Variants in ZDHHC11 observed in about 807,000 individuals in gnomAD.
ZDHHC11 encodes palmitoyltransferase ZDHHC11.
Under a neutral mutation model 51.3 loss-of-function variants are expected in ZDHHC11, and 44 were observed. The observed-to-expected ratio is 0.86, with a 90% CI of 0.67 to 1.10. The LOEUF (loss-of-function observed/expected upper bound fraction) is 1.10. Among genes scored for constraint, ZDHHC11 ranks in the 50% least tolerant of loss-of-function variants. The probability of loss-of-function intolerance (pLI) is 0.00; values close to 1 mark genes in which losing one functional copy is unlikely to be tolerated. For missense variants in ZDHHC11, 400 were observed against 537.7 expected, an observed-to-expected ratio of 0.74 and a Z score of 2.53; for synonymous variants, 163 against 222.0, an observed-to-expected ratio of 0.73 and a Z score of 2.36.
At chr5:855,676 C>A (rs918645259), upstream of ZDHHC11, among the ~76,000 whole-genome samples, 4 of 139,498 alleles carry the variant, frequency 2.9e-5, no homozygotes, top group Non-Finnish European at 6.1e-5. Context: ...GCCGGGGGGA[C>A]AGACCCCACG....
rs1336070118 is a variant in ZDHHC11 at position 829,141 on chromosome 5, C to T, written c.936-3890G>A. On this transcript the variant is annotated intron_variant, in intron 7 of 12. Transcript: ENST00000283441. ...AAACCCAACAGAAGAAAAGTAATAA[C>T]GAACATCAGAGCAGAACTAAATGAA... is the stretch of plus-strand genomic sequence containing the variant. 1.2e-4 allele frequency among the ~76,000 whole-genome samples: 17 copies of T among 142,322 alleles called. No homozygotes were observed. In the East Asian group the frequency reaches 2.4e-3, roughly 20 times the overall value. The allele number at this position is 142,322 out of a possible 152,430, so 93.4% of individuals were successfully genotyped here. A position where few individuals can be genotyped will look rare whatever the true frequency, so the allele number is the denominator to read the frequency against.
chr5:807,947 G>T (rs1211415401), intron 11 of ZDHHC11, among the ~76,000 whole-genome samples: 2 of 151,156 alleles, frequency 1.3e-5, no homozygotes, highest in African/African-American at 2.5e-5. Context: ...ATCAGACGCA[G>T]GTCCTGGACT....
intron 12 of ZDHHC11, among the ~76,000 whole-genome samples, chr5:797,100 A>ATG (rs2150265410): frequency 1.3e-5 from 2 of 150,184 alleles, no homozygotes; most frequent in South Asian, 2.1e-4. Flanking sequence ...CCAGCTACTC[A>ATG]GGAAGCTGAG....
chr5:806,187 G>C (rs1331849160), intron 11 of ZDHHC11, among the ~76,000 whole-genome samples: 2 of 151,156 alleles, frequency 1.3e-5, no homozygotes, highest in African/African-American at 2.4e-5. Context: ...TAAGAAATTA[G>C]TGCAGGGATA....
chr5:808,336 G>GGTAGCT (rs1481194096), intron 11 of ZDHHC11, among the ~76,000 whole-genome samples: 5 of 151,980 alleles, frequency 3.3e-5, no homozygotes, highest in Non-Finnish European at 7.4e-5. Flanking sequence ...ACAGCCCTAT[G>GGTAGCT]GTAGCTGCAT....
intron 5 of ZDHHC11, chr5:840,257 T>C: frequency 1.3e-6 from 1 of 755,414 alleles, no homozygotes; most frequent in Non-Finnish European, 2.3e-6. Flanking sequence ...GAGTTCAGCT[T>C]CTTGCTGGGC....
intron 11 of ZDHHC11, among the ~76,000 whole-genome samples, chr5:806,053 T>TG (rs1437571187): frequency 8.0e-5 from 12 of 150,894 alleles, no homozygotes; most frequent in African/African-American, 2.4e-4. Context: ...GGTGGGAGAA[T>TG]GGGGGAGGTG....
At chr5:813,842 G>T in intron 11 of ZDHHC11, among the ~76,000 whole-genome samples, 1 of 144,404 alleles carries the variant, frequency 6.9e-6, no homozygotes, top group East Asian at 2.0e-4. Flanking sequence ...CAGGAAGGAG[G>T]CTGTGTCAGT....
rs572986620 is a variant in ZDHHC11 at position 823,581 on chromosome 5, G to A, written c.1023+1583C>T. Reference sequence around the variant, plus strand: ...CAGCACAGGGCTGTGCCACGGACGCGGGTGTCAGTGAAGTCACGTGCATTT... The same window carrying A: ...CAGCACAGGGCTGTGCCACGGACGCAGGTGTCAGTGAAGTCACGTGCATTT... On this transcript the variant is annotated intron_variant, in intron 8 of 12. Transcript: ENST00000283441. 6.6e-4 allele frequency: 108 copies of A among 164,724 alleles called. No homozygotes were observed. The East Asian group carries it at 0.013, about 20-fold the overall frequency. 10.2% of individuals were successfully genotyped at this position (164,724 alleles called of 1,614,324 possible). A position where few individuals can be genotyped will look rare whatever the true frequency, so the allele number is the denominator to read the frequency against.
chr5:816,574 T>C, intron 10 of ZDHHC11: 3 of 610,966 alleles, frequency 4.9e-6, no homozygotes, highest in Admixed American at 1.9e-5. Flanking sequence ...TGGAGAATTT[T>C]TGTCTAATTG....
rs1191430526 is a variant in ZDHHC11, at chr5:850,540, C to T, written c.63G>A (p.Lys21=). Reference sequence around the variant, plus strand: ...TGGAGATGCGGGGCGGCAAGACCAGCTTTTCATTATTGAGTATGGCTTCTG... The same window carrying T: ...TGGAGATGCGGGGCGGCAAGACCAGTTTTTCATTATTGAGTATGGCTTCTG... ...VTPEAILNNE[K]LVLPPRISRV... is the part of the protein sequence containing the mutation. The change falls in exon 1 of 13, where the codon AAG becomes AAA. Residue 21 remains lysine, a synonymous_variant. Transcript: ENST00000283441. The T allele has an allele frequency of 1.3e-5, 21 of 1,613,668 alleles. No homozygotes were observed. Among genetic ancestry groups the T allele is most frequent in the Non-Finnish European group, 1.8e-5 (21 of 1,180,046 alleles).
chr5:817,046 G>C (rs1322036126), intron 10 of ZDHHC11: 1 of 193,700 alleles, frequency 5.2e-6, no homozygotes, highest in Non-Finnish European at 1.1e-5. Flanking sequence ...CTGGGGGGTA[G>C]GGGAGATAAA....
chr5:843,997 GGGGCAGGGGCGGGGGCATGCA>G (rs1301882597), intron 3 of ZDHHC11, among the ~76,000 whole-genome samples: 3 of 126,318 alleles, frequency 2.4e-5, no homozygotes, highest in Admixed American at 2.2e-4. Flanking sequence ...CAGGGCATCT[GGGGCAGGGGCGGGGGCATGCA>G]GGGCAGGTGT....
chr5:819,262 G>A (rs1179997294), intron 10 of ZDHHC11, among the ~76,000 whole-genome samples: 7 of 151,524 alleles, frequency 4.6e-5, no homozygotes, highest in Non-Finnish European at 8.9e-5. Flanking sequence ...GCCCATCACC[G>A]CAGCCTGATG....
intron 11 of ZDHHC11, among the ~76,000 whole-genome samples, chr5:806,120 TG>T: frequency 6.6e-6 from 1 of 150,876 alleles, no homozygotes; most frequent in East Asian, 1.9e-4. Flanking sequence ...CAGCCTTTCG[TG>T]GGAGAGAGGG....
chr5:817,401 GA>G lies in ZDHHC11; in HGVS notation c.1146+2123del, dbSNP rs1302379184. Among the ~76,000 whole-genome samples, 2 of 151,308 alleles carry G rather than the reference GA, an allele frequency of 1.3e-5. 1 individual carries two copies. The highest frequency in any genetic ancestry group is 3.0e-5 in the Non-Finnish European group (2 of 67,678). The stretch of plus-strand genomic sequence containing the variant: ...ATATGTGTTTCCTTGAAGAATTCAG[GA>G]CACAACTCCTTCCGTATGACAGCTT... On this transcript the variant is annotated intron_variant, in intron 10 of 12. Transcript: ENST00000283441.
At chr5:838,392 G>A (rs1438989874) in intron 5 of ZDHHC11, among the ~76,000 whole-genome samples, 10 of 152,246 alleles carry the variant, frequency 6.6e-5, no homozygotes, top group East Asian at 1.9e-4. Context: ...CGTGAGAGCC[G>A]ATGTCTTGTG....
At chr5:833,478 A>G (rs1743334516) in intron 7 of ZDHHC11, among the ~76,000 whole-genome samples, 1 of 151,948 alleles carries the variant, frequency 6.6e-6, no homozygotes, top group East Asian at 1.9e-4. Flanking sequence ...CCACATGTTC[A>G]TGGAGAGATG....
At position 795,819 on chromosome 5, in the gene ZDHHC11, A is replaced by G. The variant is rs1264423115; in HGVS notation, c.*769T>C. 3.9e-5 allele frequency: 6 copies of G among 153,540 alleles called. No individual in the cohort carries two copies. Among genetic ancestry groups the G allele is most frequent in the African/African-American group, 1.5e-4 (6 of 40,796 alleles). 9.5% of individuals were successfully genotyped at this position (153,540 alleles called of 1,614,324 possible). The stretch of plus-strand genomic sequence containing the variant: ...TCCCAGTACTATGCTCCCATTTCCC[A>G]GTACTGTGCTCCCATTTCCCAGTAC... On this transcript the variant is annotated 3_prime_UTR_variant, in exon 13 of 13. Coordinates refer to ENST00000283441, the MANE Select transcript of ZDHHC11 (RefSeq NM_024786.3).
Sources: gnomAD v4.1 joint callset for allele counts (sites outside exome capture counted in the v4.1 genomes callset) on GRCh38, gnomAD v4.1.1 for gene constraint, MANE v1.5 for transcripts, NCBI Gene and HGNC (gene_info 2026-07-23, HGNC 2026-07-21) for gene names.